PLCB1: variants seen among roughly 807,000 people sequenced by gnomAD.
PLCB1 encodes 1-phosphatidylinositol 4,5-bisphosphate phosphodiesterase beta-1.
Under a neutral mutation model 161.8 loss-of-function variants are expected in PLCB1, and 46 were observed. The ratio of observed to expected loss-of-function variants is 0.28; its 90% CI spans 0.22 to 0.36. The LOEUF is 0.36. Among genes scored for constraint, PLCB1 ranks in the 10% least tolerant of loss-of-function variants. PLCB1 has a pLI of 1.00. For synonymous variants in PLCB1, 517 were observed against 503.7 expected, an observed-to-expected ratio of 1.03 and a Z score of -0.35; for missense variants, 1,016 against 1,472.5, an observed-to-expected ratio of 0.69 and a Z score of 5.07.
chr20:8,818,451 A>G (rs1985178722), intron 31 of PLCB1, among the ~76,000 whole-genome samples: 3 of 152,214 alleles, frequency 2.0e-5, no homozygotes, highest in Admixed American at 2.0e-4. Context: ...ATGCAGTAAG[A>G]CAAGAAGAAT....
intron 2 of PLCB1, among the ~76,000 whole-genome samples, chr20:8,310,469 A>G (rs1444507300): frequency 6.6e-6 from 1 of 152,168 alleles, no homozygotes; most frequent in Non-Finnish European, 1.5e-5. Flanking sequence ...GGACAAACCA[A>G]ATTAATCTAT....
chr20:8,853,188 C>G (rs1422611127), intron 31 of PLCB1, among the ~76,000 whole-genome samples: 2 of 152,096 alleles, frequency 1.3e-5, no homozygotes, highest in African/African-American at 4.8e-5. Context: ...ATGCTCATGA[C>G]AATTAGTTAT....
chr20:8,318,586 G>A (rs1476645647), intron 2 of PLCB1, among the ~76,000 whole-genome samples: 3 of 152,090 alleles, frequency 2.0e-5, no homozygotes, highest in African/African-American at 7.2e-5. Context: ...CATAGAAGAT[G>A]CACGGAAAAT....
At chr20:8,482,241 T>C (rs1312241351) in intron 3 of PLCB1, among the ~76,000 whole-genome samples, 1 of 151,794 alleles carries the variant, frequency 6.6e-6, no homozygotes, top group Non-Finnish European at 1.5e-5. Flanking sequence ...GTAACTGAGA[T>C]TACAGGCACA....
At chr20:8,167,825 A>G (rs2051690840) in intron 2 of PLCB1, among the ~76,000 whole-genome samples, 1 of 152,160 alleles carries the variant, frequency 6.6e-6, no homozygotes, top group Admixed American at 6.5e-5. Context: ...TAAAACAACA[A>G]CCATTTTTTT....
intron 2 of PLCB1, among the ~76,000 whole-genome samples, chr20:8,171,319 G>A (rs1335031435): frequency 6.6e-6 from 1 of 151,988 alleles, no homozygotes; most frequent in Non-Finnish European, 1.5e-5. Flanking sequence ...TTGCCTAAGA[G>A]GTAAGCTTCA....
intron 2 of PLCB1, among the ~76,000 whole-genome samples, chr20:8,282,193 C>A (rs1982906616): frequency 6.6e-6 from 1 of 152,238 alleles, no homozygotes; most frequent in Middle Eastern, 3.4e-3. Flanking sequence ...AGGTGTATGT[C>A]AAGCATTGGT....
intron 3 of PLCB1, among the ~76,000 whole-genome samples, chr20:8,501,387 T>C (rs1373445567): frequency 6.6e-6 from 1 of 152,228 alleles, no homozygotes. Context: ...ACGCTCTCAG[T>C]GTGTGCTTGT....
intron 3 of PLCB1, among the ~76,000 whole-genome samples, chr20:8,551,657 C>T (rs1985780054): frequency 6.6e-6 from 1 of 152,138 alleles, no homozygotes; most frequent in South Asian, 2.1e-4. Context: ...TCAGTTGTGT[C>T]ATCCCTTAGG....
intron 3 of PLCB1, among the ~76,000 whole-genome samples, chr20:8,494,881 G>A (rs1983094453): frequency 1.3e-5 from 2 of 152,032 alleles, no homozygotes; most frequent in Non-Finnish European, 2.9e-5. Context: ...GATACTTACC[G>A]TATTTCACAT....
chr20:8,613,943 AT>A (rs201248961), intron 3 of PLCB1, among the ~76,000 whole-genome samples: 3,194 of 152,180 alleles, frequency 0.021, 130 homozygotes, highest in East Asian at 0.2. Flanking sequence ...TTTGAAAAAA[AT>A]ATTACAACAT....
At chr20:8,364,747 T>C (rs1986656085) in intron 2 of PLCB1, among the ~76,000 whole-genome samples, 1 of 152,236 alleles carries the variant, frequency 6.6e-6, no homozygotes. Flanking sequence ...TGAAACCCCA[T>C]GTCAATTGAC....
Position 8,232,175 on chromosome 20 carries a change from G to T in PLCB1, c.177+81804G>T, listed in dbSNP as rs920855685. On this transcript the variant is annotated intron_variant, in intron 2 of 31. Transcript: ENST00000338037. The stretch of plus-strand genomic sequence containing the variant: ...TGCACCATCATGGTGCCCGTGAAAA[G>T]CTACAGCACTCCAGCCTGTCCAACA... 2.0e-5 allele frequency among the ~76,000 whole-genome samples: 3 copies of T among 151,872 alleles called. No homozygotes were observed. In the South Asian group the frequency reaches 6.2e-4, roughly 32 times the overall value.
rs756918444 is a variant in PLCB1 at position 8,765,244 on chromosome 20, A to C, written c.2816A>C (p.Lys939Thr). 1 of 1,613,942 alleles carries C rather than the reference A, an allele frequency of 6.2e-7. No individual in the cohort carries two copies. Among genetic ancestry groups the C allele is most frequent in the Non-Finnish European group, 8.5e-7 (1 of 1,179,908 alleles). The change falls in exon 26 of 32, where the codon AAG (lysine) becomes ACG (threonine). Residue 939 changes from lysine to threonine, a missense_variant. Physicochemically the swap from Lys to Thr is moderately conservative, Grantham distance 78. This residue lies in a region of PLCB1 where 398 missense variants were observed against 445.4 expected (regional missense o/e 0.89). Coordinates refer to ENST00000338037, the MANE Select transcript of PLCB1 (RefSeq NM_015192.4). ...EMKDLVKRHHKKTTDLIKEHT... is the reference protein window; with the variant it reads ...EMKDLVKRHHTKTTDLIKEHT... ...AAAGACCTGGTTAAGAGACACCACA[A>C]GAAAACCACTGACCTTATCAAAGAA...
chr20:8,725,128 T>C (rs1979865609), intron 16 of PLCB1, among the ~76,000 whole-genome samples: 1 of 152,160 alleles, frequency 6.6e-6, no homozygotes, highest in Non-Finnish European at 1.5e-5. Flanking sequence ...AAATAAACTA[T>C]CTACCTGTTT....
At chr20:8,268,311 G>T (rs1310133217) in intron 2 of PLCB1, among the ~76,000 whole-genome samples, 1 of 152,018 alleles carries the variant, frequency 6.6e-6, no homozygotes, top group Admixed American at 6.6e-5. Context: ...CTTTTTTATG[G>T]CTGCATAGTA....
Position 8,376,131 on chromosome 20 carries a change from CTG to C in PLCB1, c.246+4686_246+4687del, listed in dbSNP as rs146656783. Among the ~76,000 whole-genome samples the C allele has an allele frequency of 5.0e-3, 758 of 152,308 alleles. 7 individuals are homozygous for C. Among genetic ancestry groups the C allele is most frequent in the African/African-American group, 0.017 (723 of 41,556 alleles). On this transcript the variant is annotated intron_variant, in intron 3 of 31. Coordinates refer to ENST00000338037, the MANE Select transcript of PLCB1 (RefSeq NM_015192.4). ...CTCTCCCAACTTTAGTACATGAAAA[CTG>C]TGTGCTGCCAACTTCCAGCTCTCAA... is the stretch of plus-strand genomic sequence containing the variant.
chr20:8,395,693 A>T (rs951373157), intron 3 of PLCB1, among the ~76,000 whole-genome samples: 6 of 152,170 alleles, frequency 3.9e-5, no homozygotes, highest in Admixed American at 3.9e-4. Flanking sequence ...ATTTAATTTT[A>T]TGCTTAGCTG....
Position 8,853,138 on chromosome 20 carries a change from C to T in PLCB1, c.3424-28484C>T, listed in dbSNP as rs568042125. On this transcript the variant is annotated intron_variant, in intron 31 of 31. Transcript: ENST00000338037. ...CACAAAATTTAAAAAAAGTATTTAT[C>T]AAAGGAACTTTGGGCACATAAGGAA... Among the ~76,000 whole-genome samples, 8 of 152,122 alleles carry T rather than the reference C, an allele frequency of 5.3e-5. No homozygotes were observed. The South Asian group carries it at 1.7e-3, about 32-fold the overall frequency.
Sources: allele counts gnomAD v4.1 joint callset (sites outside exome capture counted in the v4.1 genomes callset), GRCh38; gene constraint gnomAD v4.1.1; regional missense constraint gnomAD v4.1.1; transcripts MANE v1.5; gene names NCBI Gene and HGNC (gene_info 2026-07-23, HGNC 2026-07-21).